The following RBFOX1 variants were observed in gnomAD, a reference collection of about 807,000 sequenced individuals.
The protein encoded by RBFOX1 is RNA binding protein fox-1 homolog 1.
In RBFOX1, 8 loss-of-function variants were observed where a neutral mutation model predicts 57.7. The observed-to-expected ratio is 0.14, with a 90% CI of 0.08 to 0.25. The LOEUF (loss-of-function observed/expected upper bound fraction) is 0.25. RBFOX1 is among the 10% of genes least tolerant of loss of function. The pLI is 1.00. For missense variants in RBFOX1, 611 were observed against 548.5 expected (o/e 1.11, Z -1.14); for synonymous variants, 326 against 222.4 (o/e 1.47, Z -4.15).
At chr16:6,974,130 G>A (rs2086225708) in intron 3 of RBFOX1, among the ~76,000 whole-genome samples, 1 of 152,020 alleles carries the variant, frequency 6.6e-6, no homozygotes, top group Admixed American at 6.6e-5. Flanking sequence ...TGGCTGCATA[G>A]AATTCCGTGG....
At chr16:7,580,445 C>T (rs760638831) in intron 6 of RBFOX1, among the ~76,000 whole-genome samples, 7 of 152,162 alleles carry the variant, frequency 4.6e-5, no homozygotes, top group Admixed American at 1.3e-4. Context: ...AACAAAACCA[C>T]CACCACCGAC....
chr16:5,813,400 C>G (rs745637096), intron 3 of RBFOX1, among the ~76,000 whole-genome samples: 2 of 152,142 alleles, frequency 1.3e-5, no homozygotes, highest in East Asian at 1.9e-4. Context: ...CATACCCATT[C>G]CTCCCCGGCC....
At chr16:7,446,796 GTATTTTTT>G (rs2098811599) in intron 4 of RBFOX1, among the ~76,000 whole-genome samples, 13 of 109,464 alleles carry the variant, frequency 1.2e-4, no homozygotes, top group South Asian at 3.0e-4. Flanking sequence ...GTAGGTCTAG[GTATTTTTT>G]TTTTTTTTTT....
At chr16:7,016,742 C>G (rs2093934944) in intron 3 of RBFOX1, among the ~76,000 whole-genome samples, 1 of 152,182 alleles carries the variant, frequency 6.6e-6, no homozygotes, top group African/African-American at 2.4e-5. Context: ...GTTGATTAAA[C>G]TGTCTACTTC....
chr16:7,335,357 A>G (rs2144673587), intron 4 of RBFOX1, among the ~76,000 whole-genome samples: 1 of 152,302 alleles, frequency 6.6e-6, no homozygotes, highest in East Asian at 1.9e-4. Flanking sequence ...GAGCCAAAAT[A>G]AACCATGTGT....
chr16:7,145,395 CG>C (rs1184431051), intron 4 of RBFOX1, among the ~76,000 whole-genome samples: 1 of 151,898 alleles, frequency 6.6e-6, no homozygotes, highest in African/African-American at 2.4e-5. Context: ...TAAATACAGA[CG>C]GGGTTTCACC....
At chr16:7,592,533 T>G (rs2094496021) in intron 7 of RBFOX1, among the ~76,000 whole-genome samples, 1 of 152,174 alleles carries the variant, frequency 6.6e-6, no homozygotes, top group Admixed American at 6.5e-5. Flanking sequence ...AGGGCAGAAA[T>G]GATACCACCT....
intron 3 of RBFOX1, among the ~76,000 whole-genome samples, chr16:6,838,353 T>C (rs1229003964): frequency 6.6e-6 from 1 of 152,172 alleles, no homozygotes; most frequent in Non-Finnish European, 1.5e-5. Flanking sequence ...GCAAAGACCA[T>C]TAACTCATTC....
intron 4 of RBFOX1, among the ~76,000 whole-genome samples, chr16:7,182,058 T>C (rs562964443): frequency 3.3e-5 from 5 of 152,364 alleles, no homozygotes; most frequent in East Asian, 1.9e-4. Context: ...TAATCTTCAC[T>C]GATAAACTGA....
chr16:6,963,549 G>A (rs941527133), intron 3 of RBFOX1, among the ~76,000 whole-genome samples: 2 of 151,794 alleles, frequency 1.3e-5, no homozygotes. Context: ...AATGTAAAAT[G>A]TACATTTTGG....
At chr16:6,655,326 A>C (rs1325031290) in intron 3 of RBFOX1, among the ~76,000 whole-genome samples, 1 of 142,600 alleles carries the variant, frequency 7.0e-6, no homozygotes, top group African/African-American at 2.6e-5. Flanking sequence ...GTGAGCCAAA[A>C]TTGCACCAGC....
chr16:5,788,257 C>T (rs1477565240), intron 3 of RBFOX1, among the ~76,000 whole-genome samples: 3 of 152,164 alleles, frequency 2.0e-5, no homozygotes, highest in African/African-American at 7.2e-5. Context: ...TCACCCTTTC[C>T]ATTTAGAACC....
At chr16:6,420,944 G>A (rs1307725343) in intron 2 of RBFOX1, among the ~76,000 whole-genome samples, 1 of 152,178 alleles carries the variant, frequency 6.6e-6, no homozygotes, top group Admixed American at 6.5e-5. Flanking sequence ...CTGAAAGTGG[G>A]TGGACTGAAG....
chr16:6,636,415 C>CT (rs1567979514), intron 2 of RBFOX1, among the ~76,000 whole-genome samples: 38 of 152,126 alleles, frequency 2.5e-4, no homozygotes, highest in African/African-American at 9.2e-4. Flanking sequence ...CGTGATCAGC[C>CT]CGGCTCGGCC....
chr16:5,329,835 T>TA (rs1369153678), intron 1 of RBFOX1, among the ~76,000 whole-genome samples: 1 of 152,076 alleles, frequency 6.6e-6, no homozygotes, highest in East Asian at 1.9e-4. Context: ...CCGTCTCTAC[T>TA]AAAAAAGTCC....
Position 6,734,384 on chromosome 16 carries a change from C to G in RBFOX1, c.-16+79734C>G, listed in dbSNP as rs1010834001. Reference sequence around the variant, plus strand: ...TTGCTAATCATTGATCGTAACAGCTCTAATTTACTGAACACTGACAATTAT... The same window carrying G: ...TTGCTAATCATTGATCGTAACAGCTGTAATTTACTGAACACTGACAATTAT... On this transcript the variant is annotated intron_variant, in intron 3 of 15. Coordinates refer to ENST00000550418, the MANE Select transcript of RBFOX1 (RefSeq NM_018723.4). Among the ~76,000 whole-genome samples, 4 of 152,164 alleles carry G rather than the reference C, an allele frequency of 2.6e-5. No individual in the cohort carries two copies. In the East Asian group the frequency reaches 5.8e-4, roughly 22 times the overall value.
rs569706859 is a variant in RBFOX1, at chr16:7,185,519, A to G, written c.27+133421A>G. Among the ~76,000 whole-genome samples, 20 of 152,336 alleles carry G rather than the reference A, an allele frequency of 1.3e-4. No individual in the cohort carries two copies. The East Asian group carries it at 3.9e-3, about 29-fold the overall frequency. ...GCATCCTAATAATTCTTATGATAAC[A>G]TGGATCACCTTTGTGGACACACACA... On this transcript the variant is annotated intron_variant, in intron 4 of 15. Coordinates refer to ENST00000550418, the MANE Select transcript of RBFOX1 (RefSeq NM_018723.4).
At chr16:6,991,674 C>A (rs928515656) in intron 3 of RBFOX1, among the ~76,000 whole-genome samples, 1 of 152,090 alleles carries the variant, frequency 6.6e-6, no homozygotes, top group Non-Finnish European at 1.5e-5. Context: ...GTAGCTGGGA[C>A]CACAGGCTTG....
intron 4 of RBFOX1, among the ~76,000 whole-genome samples, chr16:6,010,346 G>T (rs185156459): frequency 1.3e-5 from 2 of 152,180 alleles, no homozygotes; most frequent in Admixed American, 1.3e-4. Flanking sequence ...CCCTTGCCCC[G>T]GGGTGGGGTT....
Sources: allele counts gnomAD v4.1 joint callset (sites outside exome capture counted in the v4.1 genomes callset), GRCh38; gene constraint gnomAD v4.1.1; transcripts MANE v1.5; gene names NCBI Gene and HGNC (gene_info 2026-07-23, HGNC 2026-07-21).